The following DMD variants were observed in gnomAD, a reference collection of about 807,000 sequenced individuals.
DMD encodes dystrophin.
In DMD, 63 loss-of-function variants were observed where a neutral mutation model predicts 330.1. The observed-to-expected ratio is 0.19, with a 90% CI of 0.16 to 0.24. The LOEUF is 0.24. DMD is among the 10% of genes least tolerant of loss of function. The probability of loss-of-function intolerance (pLI) is 1.00; values close to 1 mark genes in which losing one functional copy is unlikely to be tolerated. For synonymous variants in DMD, 1,223 were observed against 959.8 expected (o/e 1.27, Z -5.07); for missense variants, 3,344 against 2,684.1 (o/e 1.25, Z -5.43).
rs185469663 is a variant in DMD at position 33,051,633 on chromosome X, A to G, written c.32-31433T>C. ...TTCCCTTTTAAAATAAGGAAAATATATAATTACGCTCTATTTTTTTTTTTT... is the reference window on the plus strand; with the variant it reads ...TTCCCTTTTAAAATAAGGAAAATATGTAATTACGCTCTATTTTTTTTTTTT... On this transcript the variant is annotated intron_variant, in intron 1 of 78. Coordinates refer to ENST00000357033, the MANE Select transcript of DMD (RefSeq NM_004006.3). 9.1e-4 allele frequency among the ~76,000 whole-genome samples: 90 copies of G among 98,954 alleles called. 1 individual carries two copies. Among genetic ancestry groups the G allele is most frequent in the African/African-American group, 3.8e-3 (89 of 23,209 alleles). 85.9% of individuals were successfully genotyped at this position (98,954 alleles called of 115,157 possible).
At chrX:32,485,606 T>C (rs2042351066) in intron 20 of DMD, among the ~76,000 whole-genome samples, 1 of 109,060 alleles carries the variant, frequency 9.2e-6, no homozygotes, top group African/African-American at 3.3e-5. Context: ...ATAGATTATA[T>C]ACACACATAT....
At chrX:31,755,296 G>T (rs192177045) in intron 51 of DMD, among the ~76,000 whole-genome samples, 1 of 112,192 alleles carries the variant, frequency 8.9e-6, no homozygotes, top group African/African-American at 3.2e-5. Flanking sequence ...TAAAAATATA[G>T]TAAGTTATGG....
chrX:31,861,734 T>TATACACAC (rs2093705637), intron 48 of DMD, among the ~76,000 whole-genome samples: 1 of 56,063 alleles, frequency 1.8e-5, no homozygotes, highest in Admixed American at 2.5e-4. Flanking sequence ...AGAAGAGTGC[T>TATACACAC]ATACACACAC....
intron 19 of DMD, among the ~76,000 whole-genome samples, chrX:32,497,001 A>G (rs1441464901): frequency 8.9e-6 from 1 of 111,915 alleles, no homozygotes; most frequent in Non-Finnish European, 1.9e-5. Context: ...ATGTCTTGCC[A>G]TTAAAATATA....
chrX:32,461,306 A>C (rs773430281), intron 25 of DMD, among the ~76,000 whole-genome samples: 1 of 111,093 alleles, frequency 9.0e-6, no homozygotes, highest in East Asian at 2.8e-4. Flanking sequence ...CCTTGTTTTT[A>C]CCGCATCGTC....
intron 55 of DMD, among the ~76,000 whole-genome samples, chrX:31,600,594 T>G (rs1330046811): frequency 2.0e-5 from 2 of 100,115 alleles, no homozygotes; most frequent in Non-Finnish European, 4.0e-5. Flanking sequence ...GGGGGCTGAC[T>G]TGGATTACAT....
At chrX:31,770,506 C>A (rs941301427) in intron 51 of DMD, among the ~76,000 whole-genome samples, 1 of 112,054 alleles carries the variant, frequency 8.9e-6, no homozygotes, top group Non-Finnish European at 1.9e-5. Flanking sequence ...TTGCCCTTCT[C>A]GTTTTATCTA....
chrX:31,284,594 TTCTTCTTCTTC>T (rs1453332202), intron 62 of DMD, among the ~76,000 whole-genome samples: 26 of 98,182 alleles, frequency 2.6e-4, no homozygotes, highest in Non-Finnish European at 4.5e-4. Flanking sequence ...CTTCTTCTTC[TTCTTCTTCTTC>T]TTTTTTTTGG....
intron 44 of DMD, among the ~76,000 whole-genome samples, chrX:31,975,350 T>A (rs2095428388): frequency 8.9e-6 from 1 of 112,176 alleles, no homozygotes; most frequent in Admixed American, 9.5e-5. Flanking sequence ...GGTTTTAGTT[T>A]GCTAAAATAA....
chrX:32,530,585 A>C (rs1326481754), intron 17 of DMD, among the ~76,000 whole-genome samples: 1 of 112,177 alleles, frequency 8.9e-6, no homozygotes, highest in African/African-American at 3.2e-5. Context: ...CTTAAAAATT[A>C]AAAGGTAAGA....
chrX:32,641,930 A>C (rs1223663243), intron 11 of DMD, among the ~76,000 whole-genome samples: 1 of 111,727 alleles, frequency 9.0e-6, no homozygotes, highest in Non-Finnish European at 1.9e-5. Context: ...ATTGGAGATA[A>C]TCCATTCTCA....
intron 1 of DMD, among the ~76,000 whole-genome samples, chrX:33,172,896 C>T (rs780994650): frequency 5.4e-5 from 6 of 110,820 alleles, no homozygotes; most frequent in Non-Finnish European, 1.1e-4. Context: ...AGATACTTGC[C>T]ATAAGGTGAG....
intron 1 of DMD, among the ~76,000 whole-genome samples, chrX:33,243,543 A>T (rs746185772): frequency 8.9e-6 from 1 of 112,027 alleles, no homozygotes; most frequent in African/African-American, 3.2e-5. Context: ...TATTCTCACA[A>T]CTGGGTATCT....
At chrX:31,515,292 G>A (rs1168165550) in intron 55 of DMD, among the ~76,000 whole-genome samples, 1 of 111,442 alleles carries the variant, frequency 9.0e-6, no homozygotes, top group Non-Finnish European at 1.9e-5. Context: ...CCTTTCCTAT[G>A]TAAATGGAAT....
Position 31,355,367 on chromosome X carries a change from C to T in DMD, c.9085-6733G>A, listed in dbSNP as rs190537454. Among the ~76,000 whole-genome samples, 5 of 112,082 alleles carry T rather than the reference C, an allele frequency of 4.5e-5. No homozygotes were observed. The East Asian group carries it at 1.1e-3, about 25-fold the overall frequency. On this transcript the variant is annotated intron_variant, in intron 60 of 78. Transcript: ENST00000357033. ...GCTACATCTTACTGATTACTACATACATAAATCATGTTTACTCCAGTCTAG... is the reference window on the plus strand; with the variant it reads ...GCTACATCTTACTGATTACTACATATATAAATCATGTTTACTCCAGTCTAG...
intron 64 of DMD, among the ~76,000 whole-genome samples, chrX:31,220,151 A>G (rs1005007919): frequency 7.2e-5 from 8 of 111,338 alleles, no homozygotes; most frequent in Non-Finnish European, 1.5e-4. Context: ...ACATAACAAC[A>G]AAGTTGCCTA....
At chrX:31,239,735 T>C (rs1365011622) in intron 63 of DMD, among the ~76,000 whole-genome samples, 2 of 112,261 alleles carry the variant, frequency 1.8e-5, no homozygotes, top group Non-Finnish European at 3.8e-5. Context: ...GAGTGGTTTC[T>C]AGACCTTGGC....
chrX:32,068,462 A>T (rs1158900159), intron 44 of DMD, among the ~76,000 whole-genome samples: 2 of 102,811 alleles, frequency 1.9e-5, no homozygotes, highest in African/African-American at 7.2e-5. Context: ...GGTATTTCCC[A>T]GATTTTATTC....
chrX:31,400,950 T>G (rs2061162831), intron 60 of DMD, among the ~76,000 whole-genome samples: 1 of 111,744 alleles, frequency 8.9e-6, no homozygotes, highest in African/African-American at 3.3e-5. Context: ...TATAGAGATT[T>G]CAGGAAAGCC....
Sources: allele counts gnomAD v4.1 joint callset (sites outside exome capture counted in the v4.1 genomes callset), GRCh38; gene constraint gnomAD v4.1.1; transcripts MANE v1.5; gene names NCBI Gene and HGNC (gene_info 2026-07-23, HGNC 2026-07-21).